NLGN1: variants seen among roughly 807,000 people sequenced by gnomAD.
NLGN1 encodes neuroligin-1.
A neutral mutation model predicts 65.5 loss-of-function variants in NLGN1; 12 were observed. That is an observed-to-expected ratio of 0.18 (90% confidence interval 0.12 to 0.30). NLGN1 has a LOEUF of 0.30. Among genes scored for constraint, NLGN1 ranks in the 10% least tolerant of loss-of-function variants. NLGN1 has a pLI of 1.00. For synonymous variants in NLGN1, 350 were observed against 359.5 expected (o/e 0.97, Z 0.30); for missense variants, 750 against 1,007.1 (o/e 0.74, Z 3.46).
chr3:173,408,424 T>G (rs1454860285), intron 1 of NLGN1, among the ~76,000 whole-genome samples: 1 of 152,196 alleles, frequency 6.6e-6, no homozygotes, highest in Non-Finnish European at 1.5e-5. Context: ...TTCTTCCGTT[T>G]CTACTAAATT....
At chr3:173,963,066 T>G (rs999637172) in intron 4 of NLGN1, among the ~76,000 whole-genome samples, 5 of 152,148 alleles carry the variant, frequency 3.3e-5, no homozygotes, top group African/African-American at 1.2e-4. Context: ...AATAATAATA[T>G]GCTACCATTT....
intron 4 of NLGN1, among the ~76,000 whole-genome samples, chr3:174,255,384 C>G (rs1457481891): frequency 7.4e-6 from 1 of 135,244 alleles, no homozygotes; most frequent in Non-Finnish European, 1.5e-5. Context: ...TGCAGTGAGC[C>G]GAGATCGTGC....
chr3:174,030,070 G>A (rs1432232414), intron 4 of NLGN1, among the ~76,000 whole-genome samples: 1 of 151,150 alleles, frequency 6.6e-6, no homozygotes, highest in Non-Finnish European at 1.5e-5. Flanking sequence ...TTATGGCACT[G>A]GATAACACAT....
chr3:173,860,194 C>T (rs930250215), intron 4 of NLGN1, among the ~76,000 whole-genome samples: 2 of 151,862 alleles, frequency 1.3e-5, no homozygotes, highest in Non-Finnish European at 2.9e-5. Flanking sequence ...AAGTAATTAA[C>T]ATTATATACC....
chr3:173,676,231 A>G (rs889977372), intron 3 of NLGN1, among the ~76,000 whole-genome samples: 23 of 152,260 alleles, frequency 1.5e-4, no homozygotes, highest in Non-Finnish European at 2.9e-4. Flanking sequence ...AAACAGCCAG[A>G]GAGCTGAGGT....
At chr3:173,474,370 C>T (rs1356976679) in intron 2 of NLGN1, among the ~76,000 whole-genome samples, 1 of 152,122 alleles carries the variant, frequency 6.6e-6, no homozygotes, top group Admixed American at 6.5e-5. Flanking sequence ...GGCAATTATT[C>T]TGTGAAGCGT....
At chr3:174,223,058 T>G (rs1413479742) in intron 4 of NLGN1, among the ~76,000 whole-genome samples, 1 of 152,146 alleles carries the variant, frequency 6.6e-6, no homozygotes, top group Middle Eastern at 3.2e-3. Context: ...GGTCAGACAA[T>G]CTCAACTCCG....
chr3:173,809,594 AG>A (rs1299775858), intron 4 of NLGN1, among the ~76,000 whole-genome samples: 2 of 152,134 alleles, frequency 1.3e-5, no homozygotes, highest in Non-Finnish European at 2.9e-5. Flanking sequence ...TTTGGCCACA[AG>A]TTTTTTTGCC....
intron 2 of NLGN1, among the ~76,000 whole-genome samples, chr3:173,500,928 A>G (rs1730996252): frequency 6.6e-6 from 1 of 151,992 alleles, no homozygotes; most frequent in Non-Finnish European, 1.5e-5. Flanking sequence ...GAAGGGAACC[A>G]GGTATTATTT....
intron 3 of NLGN1, among the ~76,000 whole-genome samples, chr3:173,737,035 A>G (rs1773883731): frequency 6.6e-6 from 1 of 152,040 alleles, no homozygotes; most frequent in South Asian, 2.1e-4. Flanking sequence ...TTCTAATTAT[A>G]GTAATATTAC....
At chr3:174,048,147 A>C (rs538856674) in intron 4 of NLGN1, among the ~76,000 whole-genome samples, 1 of 152,116 alleles carries the variant, frequency 6.6e-6, no homozygotes, top group Non-Finnish European at 1.5e-5. Flanking sequence ...TAGAGTCAAC[A>C]TTCTCAACAC....
intron 1 of NLGN1, among the ~76,000 whole-genome samples, chr3:173,417,813 A>T (rs1013580061): frequency 5.9e-5 from 9 of 151,966 alleles, no homozygotes; most frequent in Non-Finnish European, 1.0e-4. Context: ...TAAATTAACT[A>T]TGTTTTTTAG....
At chr3:173,941,869 T>C (rs2152310510) in intron 4 of NLGN1, among the ~76,000 whole-genome samples, 1 of 152,106 alleles carries the variant, frequency 6.6e-6, no homozygotes, top group East Asian at 1.9e-4. Context: ...TCACATGCCA[T>C]CATGAGCTTC....
At chr3:173,828,555 T>C (rs1476713992) in intron 4 of NLGN1, among the ~76,000 whole-genome samples, 1 of 152,166 alleles carries the variant, frequency 6.6e-6, no homozygotes, top group African/African-American at 2.4e-5. Context: ...TTACCTCATA[T>C]TCCAGTGAGA....
chr3:173,826,087 A>T (rs1334861255), intron 4 of NLGN1, among the ~76,000 whole-genome samples: 1 of 152,038 alleles, frequency 6.6e-6, no homozygotes, highest in Non-Finnish European at 1.5e-5. Flanking sequence ...GTGTAGGAGG[A>T]TGTTTCTCTG....
chr3:173,692,544 G>C (rs1765623295), intron 3 of NLGN1, among the ~76,000 whole-genome samples: 10 of 152,000 alleles, frequency 6.6e-5, no homozygotes, highest in Admixed American at 6.6e-4. Context: ...AAAGTACAGA[G>C]GTAAGATTGG....
At chr3:173,670,603 A>C (rs1762319819) in intron 3 of NLGN1, among the ~76,000 whole-genome samples, 1 of 152,176 alleles carries the variant, frequency 6.6e-6, no homozygotes, top group Non-Finnish European at 1.5e-5. Context: ...TGGGAACAAA[A>C]TGTCAGTACT....
At chr3:174,223,169 G>A (rs1301078181) in intron 4 of NLGN1, among the ~76,000 whole-genome samples, 1 of 152,056 alleles carries the variant, frequency 6.6e-6, no homozygotes, top group Admixed American at 6.6e-5. Context: ...ACTTCATTTT[G>A]TTAGCCCTTG....
At chr3:173,539,900 A>G (rs1237089470) in intron 2 of NLGN1, among the ~76,000 whole-genome samples, 5 of 145,698 alleles carry the variant, frequency 3.4e-5, no homozygotes, top group African/African-American at 1.3e-4. Flanking sequence ...TATATATGTT[A>G]TAAATGTATA....
Sources: gnomAD v4.1 joint callset for allele counts (sites outside exome capture counted in the v4.1 genomes callset) on GRCh38, gnomAD v4.1.1 for gene constraint, MANE v1.5 for transcripts, NCBI Gene and HGNC (gene_info 2026-07-23, HGNC 2026-07-21) for gene names.